The following RPA1 variants were observed in gnomAD, a reference collection of about 807,000 sequenced individuals.
RPA1 encodes the protein replication protein A 70 kDa DNA-binding subunit.
RPA1 carries 49 observed loss-of-function variants against 83.0 expected under a neutral mutation model. The ratio of observed to expected loss-of-function variants is 0.59; its 90% confidence interval spans 0.47 to 0.75. The LOEUF is 0.75. Among genes scored for constraint, RPA1 ranks in the 30% least tolerant of loss-of-function variants. The probability of loss-of-function intolerance (pLI) is 0.00; values close to 1 mark genes in which losing one functional copy is unlikely to be tolerated. For synonymous variants in RPA1, 279 were observed against 281.8 expected (o/e 0.99, Z 0.10); for missense variants, 693 against 776.1 (o/e 0.89, Z 1.27).
At chr17:1,835,508 C>T (rs1440694019) in intron 1 of RPA1, among the ~76,000 whole-genome samples, 1 of 151,990 alleles carries the variant, frequency 6.6e-6, no homozygotes, top group East Asian at 1.9e-4. Flanking sequence ...TTTGGAGCAT[C>T]GTCCCCATAT....
intron 1 of RPA1, 90 bp downstream of exon 1, chr17:1,830,216 G>A: frequency 9.8e-7 from 1 of 1,016,206 alleles, no homozygotes; most frequent in Non-Finnish European, 1.3e-6. Flanking sequence ...AGCCCGGGGC[G>A]ACGGGGGATG....
chr17:1,888,939 A>C, intron 14 of RPA1, 88 bp downstream of exon 14: 1 of 1,397,944 alleles, frequency 7.2e-7, no homozygotes, highest in South Asian at 1.4e-5. Flanking sequence ...AGTAGAGACA[A>C]AGCATTCCTG....
chr17:1,870,609 A>G (rs955505688), intron 5 of RPA1, among the ~76,000 whole-genome samples: 7 of 152,202 alleles, frequency 4.6e-5, no homozygotes, highest in Non-Finnish European at 8.8e-5. Flanking sequence ...TCTTGAGCCT[A>G]TTAAACACTA....
At chr17:1,835,301 A>G (rs1597414539) in intron 1 of RPA1, among the ~76,000 whole-genome samples, 1 of 151,516 alleles carries the variant, frequency 6.6e-6, no homozygotes, top group East Asian at 1.9e-4. Context: ...GGTGCATGCC[A>G]CCATGCCCAG....
chr17:1,863,967 A>G (rs999987203), intron 5 of RPA1, among the ~76,000 whole-genome samples: 1 of 152,242 alleles, frequency 6.6e-6, no homozygotes, highest in African/African-American at 2.4e-5. Context: ...ATAACTAATT[A>G]AGTACATATA....
chr17:1,889,084 C>A lies in RPA1; in HGVS notation c.1551+233C>A, dbSNP rs569656313. 2.6e-3 allele frequency among the ~76,000 whole-genome samples: 285 copies of A among 110,114 alleles called. 1 individual carries two copies. The highest frequency in any genetic ancestry group is 0.01 in the African/African-American group (236 of 23,004). The allele number at this position is 110,114 out of a possible 152,430, so 72.2% of individuals were successfully genotyped here. A position where few individuals can be genotyped will look rare whatever the true frequency, so the allele number is the denominator to read the frequency against. ...ACAGCCATAGCGTCAGTGACACTTG[C>A]CTGCTAACTGCTATGAAGATAAATT... On this transcript the variant is annotated intron_variant, in intron 14 of 16. Coordinates refer to ENST00000254719, the MANE Select transcript of RPA1 (RefSeq NM_002945.5).
chr17:1,895,945 A>G (rs1028574197), intron 16 of RPA1, among the ~76,000 whole-genome samples: 1 of 152,012 alleles, frequency 6.6e-6, no homozygotes, highest in Non-Finnish European at 1.5e-5. Context: ...CAGCCTCCCA[A>G]AGTGCCAGGA....
At chr17:1,834,992 C>T (rs1469702309) in intron 1 of RPA1, among the ~76,000 whole-genome samples, 1 of 152,096 alleles carries the variant, frequency 6.6e-6, no homozygotes, top group African/African-American at 2.4e-5. Flanking sequence ...CTCTCGATTA[C>T]AGACGTGCGC....
chr17:1,832,166 G>C (rs1300203450), intron 1 of RPA1, among the ~76,000 whole-genome samples: 4 of 149,682 alleles, frequency 2.7e-5, no homozygotes, highest in Non-Finnish European at 4.5e-5. Context: ...CCCAACCTTA[G>C]GTGATCCACC....
chr17:1,898,868 TACAG>T lies in RPA1; in HGVS notation c.*1694_*1697del, dbSNP rs1914547442. 3 of 152,574 alleles carry T rather than the reference TACAG, an allele frequency of 2.0e-5. No individual in the cohort carries two copies. The highest frequency in any genetic ancestry group is 2.0e-4 in the Admixed American group (3 of 15,280). The allele number at this position is 152,574 out of a possible 1,614,324, so 9.5% of individuals were successfully genotyped here. A position where few individuals can be genotyped will look rare whatever the true frequency, so the allele number is the denominator to read the frequency against. The stretch of plus-strand genomic sequence containing the variant: ...GCTTATAAAGCATCGACGAGAAAAT[TACAG>T]TCTTCAACCCTCTTCTGGATTGACA... On this transcript the variant is annotated 3_prime_UTR_variant, in exon 17 of 17. Coordinates refer to ENST00000254719, the MANE Select transcript of RPA1 (RefSeq NM_002945.5).
In RPA1 at chr17:1,884,398, C is replaced by T. The variant is rs1415019845; in HGVS notation, c.1374+454C>T. On this transcript the variant is annotated intron_variant, in intron 13 of 16. Transcript: ENST00000254719. The surrounding 1 kb of genome is among the most constrained non-coding windows in gnomAD (Gnocchi z 4.1). Reference sequence around the variant, plus strand: ...TCCTGGCTGTAGAATAGTGTATTAACCTCATAGGCTGAGAGCTGCCGGCAT... The same window carrying T: ...TCCTGGCTGTAGAATAGTGTATTAATCTCATAGGCTGAGAGCTGCCGGCAT... Among the ~76,000 whole-genome samples the T allele has an allele frequency of 6.6e-6, 1 of 152,184 alleles. No individual in the cohort carries two copies.
At chr17:1,837,742 C>T (rs1597416556) in intron 1 of RPA1, among the ~76,000 whole-genome samples, 1 of 152,146 alleles carries the variant, frequency 6.6e-6, no homozygotes, top group Admixed American at 6.6e-5. Context: ...AGTGTCTGTT[C>T]ACATCTTTTG....
In RPA1 at chr17:1,843,162, C is replaced by T. The variant is rs1424858879; in HGVS notation, c.84+309C>T. ...CCTGCCCTTGGGTTTGTCTTGTTCA[C>T]ATTGGCCTTTCATATGACCTCCAGA... On this transcript the variant is annotated intron_variant, in intron 2 of 16. Transcript: ENST00000254719. Among the ~76,000 whole-genome samples the T allele has an allele frequency of 3.3e-5, 5 of 151,646 alleles. No individual in the cohort carries two copies. In the East Asian group the frequency reaches 7.7e-4, roughly 23 times the overall value.
intron 1 of RPA1, among the ~76,000 whole-genome samples, chr17:1,838,184 G>A (rs1336193361): frequency 2.0e-5 from 3 of 149,920 alleles, no homozygotes; most frequent in East Asian, 2.0e-4. Flanking sequence ...CCAGCTACTC[G>A]GGAGGCTGAG....
rs1329262723 is a variant in RPA1 at position 1,884,594 on chromosome 17, T to C, written c.1374+650T>C. 1.3e-5 allele frequency among the ~76,000 whole-genome samples: 2 copies of C among 152,354 alleles called. No individual in the cohort carries two copies. Among genetic ancestry groups the C allele is most frequent in the African/African-American group, 2.4e-5 (1 of 41,580 alleles). ...CGCCTGCTCTTTTATTTTCATCATA[T>C]ACAGTGTAGGTTTCATTCCTCCTGT... On this transcript the variant is annotated intron_variant, in intron 13 of 16. Transcript: ENST00000254719. The surrounding 1 kb of genome is among the most constrained non-coding windows in gnomAD (Gnocchi z 4.1).
chr17:1,841,744 G>A (rs546841872), intron 1 of RPA1, among the ~76,000 whole-genome samples: 1 of 152,274 alleles, frequency 6.6e-6, no homozygotes, highest in Admixed American at 6.5e-5. Context: ...TTACTGTTAA[G>A]TGTGATGGTA....
Position 1,888,690 on chromosome 17 carries a change from T to C in RPA1, c.1390T>C (p.Ser464Pro). ...TCTCCCGAAGCCGGACTACTTTAGTTCTGTGGCCACAGTGGTGTATCTTCG... is the reference window on the plus strand; with the variant it reads ...TCTCCCGAAGCCGGACTACTTTAGTCCTGTGGCCACAGTGGTGTATCTTCG... ...GQGDKPDYFSSVATVVYLRKE... is the reference protein window; with the variant it reads ...GQGDKPDYFSPVATVVYLRKE... Residue 464 changes from serine to proline, a missense_variant, in exon 14 of 17, where the codon TCT (serine) becomes CCT (proline). Physicochemically the swap from Ser to Pro is moderately conservative, Grantham distance 74. Coordinates refer to ENST00000254719, the MANE Select transcript of RPA1 (RefSeq NM_002945.5). 1 of 1,613,640 alleles carries C rather than the reference T, an allele frequency of 6.2e-7. No homozygotes were observed. The highest frequency in any genetic ancestry group is 8.5e-7 in the Non-Finnish European group (1 of 1,179,656).
chr17:1,889,197 C>G (rs556978913), intron 14 of RPA1, among the ~76,000 whole-genome samples: 2 of 152,276 alleles, frequency 1.3e-5, no homozygotes, highest in African/African-American at 4.8e-5. Context: ...ATAATCTATT[C>G]TCTAGCTTTA....
intron 5 of RPA1, among the ~76,000 whole-genome samples, chr17:1,869,402 G>T (rs948903528): frequency 2.0e-5 from 3 of 152,100 alleles, no homozygotes; most frequent in Non-Finnish European, 2.9e-5. Context: ...GCTGGGTGTG[G>T]TGGCCAGCGC....
Sources: gnomAD v4.1 joint callset for allele counts (sites outside exome capture counted in the v4.1 genomes callset) on GRCh38, gnomAD v4.1.1 for gene constraint, Gnocchi (gnomAD v3.1) non-coding constraint, MANE v1.5 for transcripts, NCBI Gene and HGNC (gene_info 2026-07-23, HGNC 2026-07-21) for gene names.